Variants in BNC2 observed in about 807,000 individuals in gnomAD.
The protein encoded by BNC2 is basonuclin zinc finger protein 2, also known as zinc finger protein basonuclin-2.
In BNC2, 20 loss-of-function variants were observed where a neutral mutation model predicts 76.3. The observed-to-expected ratio is 0.26, with a 90% CI of 0.18 to 0.38. BNC2 has a LOEUF of 0.38. Ranked by LOEUF, BNC2 falls within the 10% of genes least tolerant of loss-of-function variation. BNC2 has a pLI of 1.00. For synonymous variants in BNC2, 582 were observed against 514.8 expected (o/e 1.13, Z -1.77); for missense variants, 1,382 against 1,399.8 (o/e 0.99, Z 0.20).
intron 1 of BNC2, among the ~76,000 whole-genome samples, chr9:16,814,724 G>A (rs7861228): frequency 1.2e-3 from 189 of 152,290 alleles, no homozygotes; most frequent in African/African-American, 3.9e-3. Flanking sequence ...GGGAAGAGAA[G>A]CAGGGAAATT....
At chr9:16,858,034 G>C (rs1819305564) in intron 1 of BNC2, among the ~76,000 whole-genome samples, 1 of 152,150 alleles carries the variant, frequency 6.6e-6, no homozygotes, top group Non-Finnish European at 1.5e-5. Flanking sequence ...TACCAGATTT[G>C]AACATGGTTA....
chr9:16,485,268 C>G (rs943056812), intron 5 of BNC2, among the ~76,000 whole-genome samples: 2 of 152,244 alleles, frequency 1.3e-5, no homozygotes, highest in South Asian at 4.1e-4. Context: ...AAAAGAAGCC[C>G]TTTCACAGTT....
intron 3 of BNC2, among the ~76,000 whole-genome samples, chr9:16,651,821 A>G (rs1032835950): frequency 6.6e-6 from 1 of 152,224 alleles, no homozygotes; most frequent in Non-Finnish European, 1.5e-5. Context: ...TTCAAAAGCA[A>G]TATAATTTCA....
At chr9:16,522,700 C>G (rs1313746585) in intron 5 of BNC2, among the ~76,000 whole-genome samples, 1 of 152,104 alleles carries the variant, frequency 6.6e-6, no homozygotes, top group Non-Finnish European at 1.5e-5. Flanking sequence ...CTTATTCCCC[C>G]TTTCCATCCA....
chr9:16,673,720 T>C (rs139528696), intron 3 of BNC2, among the ~76,000 whole-genome samples: 4 of 152,350 alleles, frequency 2.6e-5, no homozygotes, highest in African/African-American at 9.6e-5. Context: ...GTTTGATTTA[T>C]ATCTTTGACT....
chr9:16,732,136 G>A (rs1448390044), intron 2 of BNC2, among the ~76,000 whole-genome samples: 2 of 112,792 alleles, frequency 1.8e-5, no homozygotes, highest in Non-Finnish European at 1.8e-5. Flanking sequence ...GTGGGTTTTG[G>A]GTTTTTCCCT....
chr9:16,753,214 G>A (rs568089904), intron 1 of BNC2, among the ~76,000 whole-genome samples: 1 of 152,242 alleles, frequency 6.6e-6, no homozygotes, highest in East Asian at 1.9e-4. Context: ...TCTTCAAAAA[G>A]ATTTTAGAGT....
chr9:16,731,446 C>G (rs991329861), intron 2 of BNC2, among the ~76,000 whole-genome samples: 3 of 152,112 alleles, frequency 2.0e-5, no homozygotes, highest in Non-Finnish European at 2.9e-5. Context: ...ATACTTCCCC[C>G]ACACCACACC....
intron 1 of BNC2, among the ~76,000 whole-genome samples, chr9:16,787,482 A>G (rs1340952318): frequency 6.6e-6 from 1 of 152,210 alleles, no homozygotes; most frequent in Non-Finnish European, 1.5e-5. Context: ...TGGGCAAGTT[A>G]CTTGACCTCT....
At chr9:16,749,078 A>G (rs1300372035) in intron 1 of BNC2, among the ~76,000 whole-genome samples, 1 of 151,796 alleles carries the variant, frequency 6.6e-6, no homozygotes, top group East Asian at 1.9e-4. Flanking sequence ...GTAAGCTTGT[A>G]AGCTTTGTTT....
chr9:16,639,794 T>C (rs1418877300), intron 3 of BNC2, among the ~76,000 whole-genome samples: 1 of 152,088 alleles, frequency 6.6e-6, no homozygotes, highest in Non-Finnish European at 1.5e-5. Flanking sequence ...TGGTGATGCA[T>C]GCCTACCATC....
chr9:16,542,581 T>A (rs992605915), intron 5 of BNC2, among the ~76,000 whole-genome samples: 1 of 152,186 alleles, frequency 6.6e-6, no homozygotes, highest in Admixed American at 6.5e-5. Flanking sequence ...AATGCCAAGT[T>A]TGTAAACAAT....
chr9:16,774,914 C>T (rs542577426), intron 1 of BNC2, among the ~76,000 whole-genome samples: 6 of 152,194 alleles, frequency 3.9e-5, no homozygotes, highest in Non-Finnish European at 5.9e-5. Context: ...GCCAATGAAG[C>T]GTTTTTTATT....
At chr9:16,613,896 C>T (rs560842040) in intron 3 of BNC2, among the ~76,000 whole-genome samples, 4 of 152,050 alleles carry the variant, frequency 2.6e-5, no homozygotes, top group Non-Finnish European at 4.4e-5. Context: ...TTAATTGCCT[C>T]GATGACATCA....
At chr9:16,581,208 A>C (rs1353815656) in intron 4 of BNC2, among the ~76,000 whole-genome samples, 1 of 152,222 alleles carries the variant, frequency 6.6e-6, no homozygotes, top group Non-Finnish European at 1.5e-5. Context: ...TGAGGCCCTT[A>C]GGGTGGGCCC....
chr9:16,691,411 G>A (rs995446539), intron 3 of BNC2, among the ~76,000 whole-genome samples: 3 of 151,502 alleles, frequency 2.0e-5, no homozygotes, highest in Non-Finnish European at 2.9e-5. Context: ...CAGATTTCAC[G>A]TACTTCCTGC....
chr9:16,589,230 G>C (rs1373149574), intron 3 of BNC2, among the ~76,000 whole-genome samples: 1 of 152,088 alleles, frequency 6.6e-6, no homozygotes, highest in South Asian at 2.1e-4. Flanking sequence ...CTGTTACCGA[G>C]GCTGGAGTGC....
chr9:16,782,656 C>A (rs1174472674), intron 1 of BNC2, among the ~76,000 whole-genome samples: 1 of 152,128 alleles, frequency 6.6e-6, no homozygotes, highest in Non-Finnish European at 1.5e-5. Context: ...GGGCACCACT[C>A]ACATATGTGC....
intron 3 of BNC2, among the ~76,000 whole-genome samples, chr9:16,676,532 G>C (rs1245390477): frequency 6.6e-6 from 1 of 152,184 alleles, no homozygotes; most frequent in Non-Finnish European, 1.5e-5. Flanking sequence ...TGTTAAGTTG[G>C]TTGTCCAAAA....
Sources: gnomAD v4.1 joint callset for allele counts (sites outside exome capture counted in the v4.1 genomes callset) on GRCh38, gnomAD v4.1.1 for gene constraint, MANE v1.5 for transcripts, NCBI Gene and HGNC (gene_info 2026-07-23, HGNC 2026-07-21) for gene names.